Variants in SEMA3G observed in about 807,000 individuals in gnomAD.
SEMA3G encodes the protein semaphorin 3G.
SEMA3G carries 70 observed loss-of-function variants against 86.2 expected under a neutral mutation model. The ratio of observed to expected loss-of-function variants is 0.81; its 90% confidence interval spans 0.67 to 0.99. SEMA3G has a LOEUF of 0.99. SEMA3G is among the 50% of genes least tolerant of loss of function. The pLI is 0.00. For missense variants in SEMA3G, 1,002 were observed against 1,072.4 expected (o/e 0.93, Z 0.92); for synonymous variants, 416 against 441.4 (o/e 0.94, Z 0.72).
chr3:52,440,884 C>G, intron 8 of SEMA3G, 50 bp downstream of exon 8: 1 of 1,600,618 alleles, frequency 6.2e-7, no homozygotes, highest in Admixed American at 1.7e-5. Flanking sequence ...CTCACCAGCT[C>G]TCAGCCCTCC....
chr3:52,442,365 G>T lies in SEMA3G; in HGVS notation c.340-61C>A, dbSNP rs1334855539. The T allele has an allele frequency of 3.0e-6, 4 of 1,315,202 alleles. No homozygotes were observed. Among genetic ancestry groups the T allele is most frequent in the Non-Finnish European group, 4.1e-6 (4 of 976,890 alleles). 81.5% of individuals were successfully genotyped at this position (1,315,202 alleles called of 1,614,324 possible). A position where few individuals can be genotyped will look rare whatever the true frequency, so the allele number is the denominator to read the frequency against. On this transcript the variant is annotated intron_variant, in intron 3 of 15. Transcript: ENST00000231721. The surrounding 1 kb of genome is among the most constrained non-coding windows in gnomAD (Gnocchi z 6.1). ...AGGGGGTGCCCACCATCTCCTTGGG[G>T]CCCAAGGCTCAGCCCTGTCTGGCGG...
In SEMA3G at chr3:52,441,284, G is replaced by T. The variant is rs751358507; in HGVS notation, c.793C>A (p.Arg265Ser). The T allele has an allele frequency of 1.2e-6, 2 of 1,613,410 alleles. No individual in the cohort carries two copies. The highest frequency in any genetic ancestry group is 2.7e-5 in the African/African-American group (2 of 74,940). The change falls in exon 7 of 16, where the codon CGC becomes AGC. Residue 265 changes from arginine (R) to serine (S), a missense_variant. Arg to Ser is a moderately radical substitution (Grantham distance 110, BLOSUM62 -1). Coordinates refer to ENST00000231721, the MANE Select transcript of SEMA3G (RefSeq NM_020163.3). ...CTTACCACGCAGACGCGGCCCACGC[G>T]GCTGACAGTGACATGGTTCGAGCCA... ...DGGSNHVTVS[R>S]VGRVCVNDAG... is the part of the protein sequence containing the mutation.
Position 52,440,046 on chromosome 3 carries a change from T to A in SEMA3G, c.1196A>T (p.Asp399Val). The change falls in exon 11 of 16, where the codon GAC becomes GTC. Residue 399 changes from aspartate (D) to valine (V), a missense_variant. Coordinates refer to ENST00000231721, the MANE Select transcript of SEMA3G (RefSeq NM_020163.3). ...QPGRPFGSTKDYPDEVLQFAR... is the reference protein window; with the variant it reads ...QPGRPFGSTKVYPDEVLQFAR... ...AAACTGCAGCACCTCATCTGGGTAG[T>A]CCTTGGTGCTGCCAAAAGGCCGTCC... 6.2e-7 allele frequency: 1 copy of A among 1,601,164 alleles called. No individual in the cohort carries two copies. The highest frequency in any genetic ancestry group is 8.5e-7 in the Non-Finnish European group (1 of 1,170,560).
At position 52,440,006 on chromosome 3, in the gene SEMA3G, G is replaced by C. The variant is rs763606167; in HGVS notation, c.1236C>G (p.Pro412=). 2.7e-5 allele frequency: 44 copies of C among 1,612,708 alleles called. No homozygotes were observed. In the African/African-American group the frequency reaches 5.1e-4, roughly 19 times the overall value. ...GAGGCCGCACAGGCCAGAACATGAGGGGGTGGGCTCGGGCAAACTGCAGCA... is the reference window on the plus strand; with the variant it reads ...GAGGCCGCACAGGCCAGAACATGAGCGGGTGGGCTCGGGCAAACTGCAGCA... ...DEVLQFARAH[P]LMFWPVRPRH... Residue 412 remains proline (P), a synonymous_variant, in exon 11 of 16, where the codon CCC becomes CCG. Coordinates refer to ENST00000231721, the MANE Select transcript of SEMA3G (RefSeq NM_020163.3).
chr3:52,438,891 T>G (rs1706095817), intron 13 of SEMA3G, 29 bp downstream of exon 13: 3 of 1,609,984 alleles, frequency 1.9e-6, no homozygotes, highest in Non-Finnish European at 2.5e-6. Flanking sequence ...AGAAGGGGGG[T>G]CCAAGAGGAG....
rs147576494 is a variant in SEMA3G, at chr3:52,438,952, G to T, written c.1477C>A (p.Pro493Thr). 5.0e-6 allele frequency: 8 copies of T among 1,613,434 alleles called. No individual in the cohort carries two copies. The highest frequency in any genetic ancestry group is 6.8e-6 in the Non-Finnish European group (8 of 1,179,674). The change falls in exon 13 of 16, where the codon CCT (proline) becomes ACT (threonine). Residue 493 changes from proline (P) to threonine (T), a missense_variant. Transcript: ENST00000231721. ...EELQVFKVPT[P>T]ITEMEISVKR... Reference sequence around the variant, plus strand: ...ACAGAGATCTCCATTTCGGTGATAGGTGTTGGCACCTGGGGAAGGAGAAGG... The same window carrying T: ...ACAGAGATCTCCATTTCGGTGATAGTTGTTGGCACCTGGGGAAGGAGAAGG...
intron 14 of SEMA3G, 48 bp downstream of exon 14, chr3:52,437,921 CAG>C: frequency 6.5e-7 from 1 of 1,528,766 alleles, no homozygotes; most frequent in Non-Finnish European, 9.0e-7. Flanking sequence ...AGCCGGGCCA[CAG>C]GGGTGAGTTC....
At chr3:52,436,220 G>C in intron 15 of SEMA3G, 147 bp from the exon 16 acceptor site, 2 of 1,420,396 alleles carry the variant, frequency 1.4e-6, no homozygotes, top group Non-Finnish European at 1.8e-6. Flanking sequence ...GACCAGCAGC[G>C]TGGCAGTCTG....
At chr3:52,436,147 T>C in intron 15 of SEMA3G, 74 bp from the exon 16 acceptor site, 1 of 1,492,590 alleles carries the variant, frequency 6.7e-7, no homozygotes, top group Non-Finnish European at 8.9e-7. Flanking sequence ...CCCCAGCTTT[T>C]CTGCCATCCT....
At chr3:52,440,701 T>A in intron 9 of SEMA3G, 53 bp downstream of exon 9, 1 of 1,550,768 alleles carries the variant, frequency 6.4e-7, no homozygotes, top group Non-Finnish European at 8.8e-7. Flanking sequence ...GGTCACCGAA[T>A]CAGGGACAAA....
intron 15 of SEMA3G, among the ~76,000 whole-genome samples, chr3:52,437,121 G>C (rs1706061517): frequency 6.6e-6 from 1 of 152,182 alleles, no homozygotes; most frequent in African/African-American, 2.4e-5. Context: ...TGTTGTGTGT[G>C]TGTAGCATAG....
rs1460240024 is a variant in SEMA3G, at chr3:52,442,554, C to A, written c.339+5G>T. 14 of 1,614,078 alleles carry A rather than the reference C, an allele frequency of 8.7e-6. No individual in the cohort carries two copies. In the East Asian group the frequency reaches 3.1e-4, roughly 36 times the overall value. The stretch of plus-strand genomic sequence containing the variant: ...CGGGGGACCATCCCTCCCGACAGCA[C>A]TCACCAAAGGATCTCTTCCCTTTCG... On this transcript the variant is annotated splice_donor_5th_base_variant and intron_variant, in intron 3 of 15. Transcript: ENST00000231721. The surrounding 1 kb of genome is among the most constrained non-coding windows in gnomAD (Gnocchi z 6.1).
rs1158480128 is a variant in SEMA3G at position 52,441,409 on chromosome 3, T to C, written c.668A>G (p.Asp223Gly). ...CCGGGCGGCCATCACAAACCGGGGG[T>C]CTGGAAGGGTGACAGGGTCATGCTG... is the stretch of plus-strand genomic sequence containing the variant. ...RSDSDQSLLH[D>G]PRFVMAARIP... Residue 223 changes from aspartate (D) to glycine (G), a missense_variant and splice_region_variant, in exon 7 of 16, where the codon GAC becomes GGC. By Grantham distance (94) the Asp-to-Gly change is moderately conservative (BLOSUM62 -1). Coordinates refer to ENST00000231721, the MANE Select transcript of SEMA3G (RefSeq NM_020163.3). The C allele has an allele frequency of 1.2e-6, 2 of 1,611,706 alleles. No homozygotes were observed. The highest frequency in any genetic ancestry group is 2.7e-5 in the African/African-American group (2 of 74,232).
At chr3:52,440,125 T>A in intron 10 of SEMA3G, 27 bp from the exon 11 acceptor site, 2 of 1,518,440 alleles carry the variant, frequency 1.3e-6, no homozygotes, top group Non-Finnish European at 1.8e-6. Context: ...AGGGAGTGCC[T>A]GAAGTATCCT....
chr3:52,444,903 G>T lies in SEMA3G; in HGVS notation c.115+10C>A. 1 of 1,302,930 alleles carries T rather than the reference G, an allele frequency of 7.7e-7. No homozygotes were observed. The highest frequency in any genetic ancestry group is 9.8e-7 in the Non-Finnish European group (1 of 1,020,170). The allele number at this position is 1,302,930 out of a possible 1,614,324, so 80.7% of individuals were successfully genotyped here. ...ACATGCACACAAACAGGGCACGCAGGGGCTGGTACCTCGGTAGGAGAGCCG... is the reference window on the plus strand; with the variant it reads ...ACATGCACACAAACAGGGCACGCAGTGGCTGGTACCTCGGTAGGAGAGCCG... On this transcript the variant is annotated intron_variant, in intron 1 of 15. Coordinates refer to ENST00000231721, the MANE Select transcript of SEMA3G (RefSeq NM_020163.3).
chr3:52,444,520 TCG>T (rs1706222812), intron 1 of SEMA3G, among the ~76,000 whole-genome samples: 1 of 38,680 alleles, frequency 2.6e-5, no homozygotes, highest in African/African-American at 1.1e-4. Context: ...GCACACAAAC[TCG>T]GCACACGCAC....
Position 52,435,648 on chromosome 3 carries a change from C to T in SEMA3G, c.2304G>A (p.Val768=), listed in dbSNP as rs369083924. The change falls in exon 16 of 16, where the codon GTG becomes GTA. Residue 768 remains valine, a synonymous_variant. Coordinates refer to ENST00000231721, the MANE Select transcript of SEMA3G (RefSeq NM_020163.3). The part of the protein sequence containing the change: ...LELGKKMKSR[V]HAEHNRTPRE... ...GGGGCGTCCGATTGTGCTCGGCATGCACCCGGCTCTTCATCTTCTTGCCTA... is the reference window on the plus strand; with the variant it reads ...GGGGCGTCCGATTGTGCTCGGCATGTACCCGGCTCTTCATCTTCTTGCCTA... The T allele has an allele frequency of 1.2e-6, 2 of 1,613,900 alleles. No homozygotes were observed. The highest frequency in any genetic ancestry group is 1.3e-5 in the African/African-American group (1 of 74,926).
At position 52,442,404 on chromosome 3, in the gene SEMA3G, G is replaced by A. The variant is rs1475334866; in HGVS notation, c.340-100C>T. On this transcript the variant is annotated intron_variant, in intron 3 of 15. Transcript: ENST00000231721. The surrounding 1 kb of genome is among the most constrained non-coding windows in gnomAD (Gnocchi z 6.1). ...CCTGTCTGGCGGTCAGCTCTGGGGAGGGGGGTGGGTGTGACATTCCCAGCA... is the reference window on the plus strand; with the variant it reads ...CCTGTCTGGCGGTCAGCTCTGGGGAAGGGGGTGGGTGTGACATTCCCAGCA... The A allele has an allele frequency of 1.9e-6, 1 of 538,222 alleles. No individual in the cohort carries two copies. The highest frequency in any genetic ancestry group is 3.5e-6 in the Non-Finnish European group (1 of 286,058). The allele number at this position is 538,222 out of a possible 1,614,324, so 33.3% of individuals were successfully genotyped here.
Position 52,435,554 on chromosome 3 carries a change from T to C in SEMA3G, c.*49A>G. ...TGGGTGGGTGGGAGATGCTGGGGGC[T>C]GCTAGTGGGCCCCCCAGCCCATCCT... On this transcript the variant is annotated 3_prime_UTR_variant, in exon 16 of 16. Transcript: ENST00000231721. The C allele has an allele frequency of 6.5e-7, 1 of 1,543,298 alleles. No homozygotes were observed. The highest frequency in any genetic ancestry group is 2.3e-5 in the East Asian group (1 of 44,340).
Sources: allele counts gnomAD v4.1 joint callset (sites outside exome capture counted in the v4.1 genomes callset), GRCh38; gene constraint gnomAD v4.1.1; non-coding constraint Gnocchi (gnomAD v3.1); transcripts MANE v1.5; gene names NCBI Gene and HGNC (gene_info 2026-07-23, HGNC 2026-07-21).